Variants in ESCO1 observed in about 807,000 individuals in gnomAD.
ESCO1 encodes the protein N-acetyltransferase ESCO1.
Under a neutral mutation model 83.5 loss-of-function variants are expected in ESCO1, and 33 were observed. The observed-to-expected ratio is 0.40, with a 90% CI of 0.30 to 0.53. The LOEUF is 0.53. ESCO1 is among the 20% of genes least tolerant of loss of function. The probability of loss-of-function intolerance (pLI) is 0.63; values close to 1 mark genes in which losing one functional copy is unlikely to be tolerated. For synonymous variants in ESCO1, 332 were observed against 324.3 expected (o/e 1.02, Z -0.25); for missense variants, 855 against 968.0 (o/e 0.88, Z 1.55).
intron 2 of ESCO1, among the ~76,000 whole-genome samples, chr18:21,577,210 A>G (rs1453468039): frequency 1.3e-5 from 2 of 151,320 alleles, no homozygotes; most frequent in African/African-American, 2.4e-5. Context: ...CAAAAAAATT[A>G]GCTGGGCATG....
At chr18:21,580,347 G>C (rs968289723) in intron 2 of ESCO1, among the ~76,000 whole-genome samples, 2 of 152,116 alleles carry the variant, frequency 1.3e-5, no homozygotes, top group African/African-American at 4.8e-5. Flanking sequence ...AGATGATTAA[G>C]ATCAGAATTA....
chr18:21,540,621 C>A, intron 8 of ESCO1: 1 of 1,342,712 alleles, frequency 7.4e-7, no homozygotes, highest in Non-Finnish European at 9.8e-7. Context: ...TTGTGTGTAT[C>A]TGAAGTTAAA....
intron 8 of ESCO1, among the ~76,000 whole-genome samples, chr18:21,556,614 C>T (rs1308246867): frequency 6.6e-6 from 1 of 152,066 alleles, no homozygotes; most frequent in Admixed American, 6.6e-5. Flanking sequence ...ATAGTACGAC[C>T]GAAGAACAGT....
At chr18:21,545,305 G>A (rs1042674588) in intron 8 of ESCO1, among the ~76,000 whole-genome samples, 7 of 152,132 alleles carry the variant, frequency 4.6e-5, no homozygotes, top group Non-Finnish European at 7.4e-5. Flanking sequence ...CAGGTGCGGT[G>A]GCTCATGCCT....
At chr18:21,535,307 T>C (rs2037821185) in intron 10 of ESCO1, among the ~76,000 whole-genome samples, 1 of 149,348 alleles carries the variant, frequency 6.7e-6, no homozygotes, top group Non-Finnish European at 1.5e-5. Flanking sequence ...CTCTGCCTCC[T>C]GGGTTCAAGC....
chr18:21,569,199 T>C (rs2038304512), intron 4 of ESCO1, among the ~76,000 whole-genome samples: 1 of 152,260 alleles, frequency 6.6e-6, no homozygotes, highest in African/African-American at 2.4e-5. Flanking sequence ...CTGACTTACC[T>C]ATAAAGCTTA....
chr18:21,557,484 GATTT>G (rs145255964), intron 8 of ESCO1, among the ~76,000 whole-genome samples: 3,786 of 152,222 alleles, frequency 0.025, 167 homozygotes, highest in African/African-American at 0.084. Flanking sequence ...GCTAATGTAT[GATTT>G]ATTTAAATAT....
At chr18:21,537,262 G>C (rs2037848876) in intron 9 of ESCO1, among the ~76,000 whole-genome samples, 1 of 152,162 alleles carries the variant, frequency 6.6e-6, no homozygotes, top group South Asian at 2.1e-4. Flanking sequence ...AAAAGATACT[G>C]CCAACAAAAG....
intron 10 of ESCO1, 116 bp downstream of exon 10, chr18:21,535,926 T>G: frequency 7.8e-7 from 1 of 1,289,952 alleles, no homozygotes; most frequent in Non-Finnish European, 1.1e-6. Context: ...AATTCTTGCA[T>G]TAAAACTGAT....
chr18:21,555,091 G>A lies in ESCO1; in HGVS notation c.1953+5768C>T, dbSNP rs141507361. Among the ~76,000 whole-genome samples the A allele has an allele frequency of 3.0e-3, 453 of 152,118 alleles. 3 individuals are homozygous for A. The highest frequency in any genetic ancestry group is 4.8e-3 in the Admixed American group (74 of 15,274). Reference sequence around the variant, plus strand: ...AGCCTGTGTGACAGAGCAAGACTTCGTCTCAAACTAACTAACTAAATAAAG... The same window carrying A: ...AGCCTGTGTGACAGAGCAAGACTTCATCTCAAACTAACTAACTAAATAAAG... On this transcript the variant is annotated intron_variant, in intron 8 of 11. Coordinates refer to ENST00000269214, the MANE Select transcript of ESCO1 (RefSeq NM_052911.3).
At chr18:21,570,405 G>A (rs1358004907) in intron 4 of ESCO1, among the ~76,000 whole-genome samples, 3 of 152,164 alleles carry the variant, frequency 2.0e-5, no homozygotes, top group East Asian at 1.9e-4. Context: ...GGCCCAAGGT[G>A]AAAGTCTTTT....
At chr18:21,542,997 C>T (rs2037926217) in intron 8 of ESCO1, among the ~76,000 whole-genome samples, 1 of 152,124 alleles carries the variant, frequency 6.6e-6, no homozygotes, top group Non-Finnish European at 1.5e-5. Context: ...CCTTTAGCTC[C>T]AACATATTTC....
chr18:21,535,729 G>A (rs997525191), intron 10 of ESCO1, among the ~76,000 whole-genome samples: 22 of 152,190 alleles, frequency 1.4e-4, no homozygotes, highest in African/African-American at 5.3e-4. Context: ...TGTTGGCAAG[G>A]CTGGTCTCAA....
chr18:21,545,945 C>A (rs561893867), intron 8 of ESCO1, among the ~76,000 whole-genome samples: 17 of 152,058 alleles, frequency 1.1e-4, no homozygotes, highest in East Asian at 5.8e-4. Flanking sequence ...ACAAAAAAAA[C>A]CCAATACTGG....
chr18:21,568,101 A>G lies in ESCO1; in HGVS notation c.1531-7T>C. 2.5e-6 allele frequency: 4 copies of G among 1,601,226 alleles called. 1 individual carries two copies. The highest frequency in any genetic ancestry group is 2.2e-5 in the South Asian group (2 of 89,062). On this transcript the variant is annotated splice_region_variant and splice_polypyrimidine_tract_variant and intron_variant, in intron 4 of 11. Coordinates refer to ENST00000269214, the MANE Select transcript of ESCO1 (RefSeq NM_052911.3). ...CCAAACATTGGCTGAAATTCTGAACACATATAATTCAAAATTTTTACATCA... is the reference window on the plus strand; with the variant it reads ...CCAAACATTGGCTGAAATTCTGAACGCATATAATTCAAAATTTTTACATCA...
chr18:21,567,591 T>A (rs1419659233), intron 5 of ESCO1, among the ~76,000 whole-genome samples: 1 of 152,064 alleles, frequency 6.6e-6, no homozygotes, highest in Non-Finnish European at 1.5e-5. Flanking sequence ...ATCATTCAGA[T>A]GGAAAACTGA....
intron 10 of ESCO1, among the ~76,000 whole-genome samples, chr18:21,535,380 AT>A (rs377455761): frequency 9.9e-4 from 105 of 106,234 alleles, no homozygotes; most frequent in East Asian, 2.9e-3. Context: ...GCGCCTGGCT[AT>A]TTTTTTTTTT....
intron 4 of ESCO1, 91 bp downstream of exon 4, chr18:21,573,223 T>C: frequency 7.8e-7 from 1 of 1,274,060 alleles, no homozygotes; most frequent in South Asian, 1.6e-5. Flanking sequence ...TTCAATCTTT[T>C]ATGACTTCAT....
intron 4 of ESCO1, among the ~76,000 whole-genome samples, chr18:21,571,732 A>G (rs2038344127): frequency 6.6e-6 from 1 of 152,210 alleles, no homozygotes; most frequent in African/African-American, 2.4e-5. Context: ...CTCTCCAACT[A>G]CATCTGGAGA....
Sources: gnomAD v4.1 joint callset for allele counts (sites outside exome capture counted in the v4.1 genomes callset) on GRCh38, gnomAD v4.1.1 for gene constraint, MANE v1.5 for transcripts, NCBI Gene and HGNC (gene_info 2026-07-23, HGNC 2026-07-21) for gene names.